Variants in WDR35 observed in about 807,000 individuals in gnomAD.
The protein encoded by WDR35 is WD repeat domain 35, also known as WD repeat-containing protein 35.
Under a neutral mutation model 158.3 loss-of-function variants are expected in WDR35, and 118 were observed. The observed-to-expected ratio is 0.75, with a 90% CI of 0.64 to 0.87. WDR35 has a LOEUF of 0.87. WDR35 is among the 40% of genes least tolerant of loss of function. The probability of loss-of-function intolerance (pLI) is 0.00; values close to 1 mark genes in which losing one functional copy is unlikely to be tolerated. For synonymous variants in WDR35, 448 were observed against 476.1 expected, an observed-to-expected ratio of 0.94 and a Z score of 0.77; for missense variants, 1,263 against 1,405.8, an observed-to-expected ratio of 0.90 and a Z score of 1.62.
chr2:19,958,221 G>A (rs1331758672), intron 11 of WDR35, among the ~76,000 whole-genome samples: 1 of 152,174 alleles, frequency 6.6e-6, no homozygotes, highest in South Asian at 2.1e-4. Flanking sequence ...TGCAGCATAG[G>A]CAAACTGGTA....
At chr2:19,923,830 AAAG>A (rs1313261251) in intron 25 of WDR35, among the ~76,000 whole-genome samples, 3 of 152,206 alleles carry the variant, frequency 2.0e-5, no homozygotes, top group Non-Finnish European at 4.4e-5. Context: ...TAAATTGCTC[AAAG>A]AATTTAAACA....
At chr2:19,925,226 A>G (rs1479845106) in intron 25 of WDR35, among the ~76,000 whole-genome samples, 1 of 152,240 alleles carries the variant, frequency 6.6e-6, no homozygotes, top group African/African-American at 2.4e-5. Context: ...TAAAAGGGGT[A>G]TAAATACATA....
chr2:19,961,879 C>A (rs1671673434), intron 10 of WDR35, among the ~76,000 whole-genome samples: 1 of 152,198 alleles, frequency 6.6e-6, no homozygotes. Flanking sequence ...ATTCATCAAA[C>A]AAGGGCAATT....
chr2:19,967,236 C>T (rs1671886034), intron 9 of WDR35, among the ~76,000 whole-genome samples: 1 of 152,130 alleles, frequency 6.6e-6, no homozygotes, highest in Non-Finnish European at 1.5e-5. Flanking sequence ...GTAGCGTGAT[C>T]CCTGTCAAAG....
intron 13 of WDR35, 124 bp from the exon 14 acceptor site, chr2:19,948,341 G>A (rs1671123891): frequency 4.9e-6 from 4 of 823,482 alleles, no homozygotes; most frequent in Non-Finnish European, 7.9e-6. Flanking sequence ...TTTATTTACT[G>A]CTGAGCACCT....
chr2:19,919,933 C>G (rs924895642), intron 25 of WDR35, among the ~76,000 whole-genome samples: 1 of 152,056 alleles, frequency 6.6e-6, no homozygotes, highest in Admixed American at 6.6e-5. Context: ...CAGACTACCA[C>G]CAGAGAAGAC....
chr2:19,948,945 A>G (rs778075970), intron 13 of WDR35, among the ~76,000 whole-genome samples: 1 of 151,970 alleles, frequency 6.6e-6, no homozygotes, highest in Non-Finnish European at 1.5e-5. Flanking sequence ...GAAAAAAGAG[A>G]TAAGATCCCT....
At chr2:19,920,898 C>A (rs1301558744) in intron 25 of WDR35, among the ~76,000 whole-genome samples, 1 of 152,202 alleles carries the variant, frequency 6.6e-6, no homozygotes, top group Non-Finnish European at 1.5e-5. Flanking sequence ...GATACAAAAT[C>A]AATGTGCAAA....
chr2:19,931,413 A>T lies in WDR35; in HGVS notation c.2824-4T>A. The T allele has an allele frequency of 6.2e-7, 1 of 1,612,946 alleles. No homozygotes were observed. The highest frequency in any genetic ancestry group is 8.5e-7 in the Non-Finnish European group (1 of 1,179,588). On this transcript the variant is annotated splice_polypyrimidine_tract_variant and splice_region_variant and intron_variant, in intron 23 of 26. Transcript: ENST00000281405. ...TCTTTGCCTCTTCATCTGCAATCTT[A>T]AACATTTTTCAAAATTGAGGGAAGT...
chr2:19,954,005 TAC>T (rs1235162735), intron 11 of WDR35, 27 bp from the exon 12 acceptor site: 1 of 1,613,502 alleles, frequency 6.2e-7, no homozygotes, highest in Non-Finnish European at 8.5e-7. Flanking sequence ...TAAGATAATT[TAC>T]AGTTACACAG....
At chr2:19,926,418 C>T (rs1053506716) in intron 25 of WDR35, among the ~76,000 whole-genome samples, 7 of 152,188 alleles carry the variant, frequency 4.6e-5, no homozygotes, top group African/African-American at 1.2e-4. Flanking sequence ...GTTCAAAAAG[C>T]GAAGCTTGTA....
intron 14 of WDR35, 32 bp downstream of exon 14, chr2:19,948,132 T>G (rs772725262): frequency 2.3e-5 from 35 of 1,537,044 alleles, no homozygotes; most frequent in Non-Finnish European, 3.0e-5. Flanking sequence ...TAAAGAATTA[T>G]TATTCATAAA....
At chr2:19,979,747 C>A (rs1572366342) in intron 4 of WDR35, among the ~76,000 whole-genome samples, 1 of 146,624 alleles carries the variant, frequency 6.8e-6, no homozygotes, top group South Asian at 2.3e-4. Flanking sequence ...TACTCCAGTC[C>A]ACTGAACTTT....
chr2:19,955,366 TCTC>T (rs1671393386), intron 11 of WDR35, among the ~76,000 whole-genome samples: 1 of 152,220 alleles, frequency 6.6e-6, no homozygotes, highest in Admixed American at 6.5e-5. Context: ...GGAAATATAT[TCTC>T]CTAAGCAAAT....
chr2:19,928,676 T>C (rs141989775), intron 25 of WDR35, among the ~76,000 whole-genome samples: 12 of 152,308 alleles, frequency 7.9e-5, no homozygotes, highest in African/African-American at 2.9e-4. Flanking sequence ...GACATGACTA[T>C]ATAAAAAAAA....
chr2:19,927,463 T>C (rs1190978304), intron 25 of WDR35, among the ~76,000 whole-genome samples: 1 of 152,150 alleles, frequency 6.6e-6, no homozygotes, highest in South Asian at 2.1e-4. Flanking sequence ...CTGTGTGCCA[T>C]GCCATACTTA....
chr2:19,960,680 A>C, intron 10 of WDR35, 66 bp from the exon 11 acceptor site: 1 of 1,190,384 alleles, frequency 8.4e-7, no homozygotes, highest in Non-Finnish European at 1.2e-6. Flanking sequence ...AATATGCTTA[A>C]TATATATCAT....
chr2:19,962,516 TGTTA>T lies in WDR35; in HGVS notation c.1195-1906_1195-1903del, dbSNP rs147900430. 0.035 allele frequency among the ~76,000 whole-genome samples: 5,304 copies of T among 152,308 alleles called. 292 individuals are homozygous for T. Among genetic ancestry groups the T allele is most frequent in the African/African-American group, 0.12 (4,952 of 41,536 alleles). On this transcript the variant is annotated intron_variant, in intron 10 of 26. Transcript: ENST00000281405. The stretch of plus-strand genomic sequence containing the variant: ...AAAGTGATCATTTCATTTTTCTTAC[TGTTA>T]GTCTCTGTTTCTGTATCTTGTACTA...
At chr2:19,943,635 T>C (rs183796518) in intron 16 of WDR35, among the ~76,000 whole-genome samples, 1 of 152,076 alleles carries the variant, frequency 6.6e-6, no homozygotes, top group African/African-American at 2.4e-5. Flanking sequence ...TGTACAAAAA[T>C]GAGTCTGATT....
Sources: allele counts gnomAD v4.1 joint callset (sites outside exome capture counted in the v4.1 genomes callset), GRCh38; gene constraint gnomAD v4.1.1; transcripts MANE v1.5; gene names NCBI Gene and HGNC (gene_info 2026-07-23, HGNC 2026-07-21).